Variants in PADI2 observed in about 807,000 individuals in gnomAD.
PADI2 encodes protein-arginine deiminase type-2.
In PADI2, 70 loss-of-function variants were observed where a neutral mutation model predicts 81.1. The observed-to-expected ratio is 0.86, with a 90% CI of 0.71 to 1.05. The LOEUF (loss-of-function observed/expected upper bound fraction) is 1.05. Ranked by LOEUF, PADI2 falls within the 50% of genes least tolerant of loss-of-function variation. The pLI, the probability that PADI2 is intolerant of heterozygous loss-of-function variation, is 0.00. For synonymous variants in PADI2, 338 were observed against 358.0 expected (o/e 0.94, Z 0.63); for missense variants, 853 against 889.9 (o/e 0.96, Z 0.53).
chr1:17,067,422 T>C lies in PADI2; in HGVS notation c.*1622A>G, dbSNP rs1389173891. ...GCTTCTGGAGGCTCTGGGGACTCAT[T>C]GGATGGGTACTGGCTAGGTAGATGG... On this transcript the variant is annotated 3_prime_UTR_variant, in exon 16 of 16. Coordinates refer to ENST00000375486, the MANE Select transcript of PADI2 (RefSeq NM_007365.3). The C allele has an allele frequency of 6.6e-6, 1 of 152,048 alleles. No individual in the cohort carries two copies. The highest frequency in any genetic ancestry group is 6.5e-5 in the Admixed American group (1 of 15,268). 9.4% of individuals were successfully genotyped at this position (152,048 alleles called of 1,614,324 possible). A position where few individuals can be genotyped will look rare whatever the true frequency, so the allele number is the denominator to read the frequency against.
chr1:17,100,355 G>A (rs2101601220), intron 3 of PADI2, among the ~76,000 whole-genome samples: 1 of 152,336 alleles, frequency 6.6e-6, no homozygotes, highest in Middle Eastern at 3.4e-3. Flanking sequence ...CACTGTGTCA[G>A]CTCACTGCAA....
At chr1:17,075,372 C>A (rs2101574113) in intron 12 of PADI2, 1 of 377,842 alleles carries the variant, frequency 2.6e-6, no homozygotes, top group East Asian at 5.8e-5. Flanking sequence ...TGAGCTGTGG[C>A]TAGTCTGAAT....
In PADI2 at chr1:17,074,001, C is replaced by T. The variant is rs554547103; in HGVS notation, c.1549+855G>A. Among the ~76,000 whole-genome samples, 3 of 152,328 alleles carry T rather than the reference C, an allele frequency of 2.0e-5. No homozygotes were observed. The South Asian group carries it at 6.2e-4, about 32-fold the overall frequency. On this transcript the variant is annotated intron_variant, in intron 13 of 15. Transcript: ENST00000375486. ...ACTAAAGTCCACTTTTCTTCCTGTCCCTAAATTGTATTGCATCTATTTTCT... is the reference window on the plus strand; with the variant it reads ...ACTAAAGTCCACTTTTCTTCCTGTCTCTAAATTGTATTGCATCTATTTTCT...
In PADI2 at chr1:17,104,911, C is replaced by T. The variant is rs1431686856; in HGVS notation, c.243G>A (p.Met81Ile). 2 of 1,594,300 alleles carry T rather than the reference C, an allele frequency of 1.3e-6. No homozygotes were observed. The highest frequency in any genetic ancestry group is 2.2e-5 in the East Asian group (1 of 44,450). ...TGCTGGCCTCGGTGCTCGCCTGGCT[C>T]ATGGTGACCCGCAGGGTGGTGCTGG... ...LSPSTTLRVT[M>I]SQASTEASSD... The change falls in exon 2 of 16, where the codon ATG becomes ATA. Residue 81 changes from methionine to isoleucine, a missense_variant. Met to Ile is a conservative substitution (Grantham distance 10, BLOSUM62 1). Coordinates refer to ENST00000375486, the MANE Select transcript of PADI2 (RefSeq NM_007365.3).
chr1:17,119,270 G>T lies in PADI2; in HGVS notation c.92+10C>A. On this transcript the variant is annotated intron_variant, in intron 1 of 15. Transcript: ENST00000375486. The surrounding 1 kb of genome is among the most constrained non-coding windows in gnomAD (Gnocchi z 4.8). ...GATCTCGGCCCGGGCATCACGGTGG[G>T]CCGGCTCACCTGTAGACATCGGTCC... is the stretch of plus-strand genomic sequence containing the variant. 1.3e-6 allele frequency: 2 copies of T among 1,515,996 alleles called. No individual in the cohort carries two copies. The highest frequency in any genetic ancestry group is 2.7e-5 in the East Asian group (1 of 36,608). The allele number at this position is 1,515,996 out of a possible 1,614,324, so 93.9% of individuals were successfully genotyped here. A position where few individuals can be genotyped will look rare whatever the true frequency, so the allele number is the denominator to read the frequency against.
At chr1:17,082,275 G>T (rs1459613114) in intron 10 of PADI2, among the ~76,000 whole-genome samples, 2 of 152,158 alleles carry the variant, frequency 1.3e-5, no homozygotes, top group Non-Finnish European at 2.9e-5. Context: ...AGCAGCAGGG[G>T]CCAGGGCCTC....
chr1:17,110,182 C>T (rs886102045), intron 1 of PADI2, among the ~76,000 whole-genome samples: 1 of 152,170 alleles, frequency 6.6e-6, no homozygotes, highest in African/African-American at 2.4e-5. Context: ...AACCCGAGAG[C>T]CAGGGGCTTC....
chr1:17,116,907 C>G (rs1363967194), intron 1 of PADI2, among the ~76,000 whole-genome samples: 1 of 152,174 alleles, frequency 6.6e-6, no homozygotes, highest in East Asian at 1.9e-4. Context: ...ACTCAAGCTC[C>G]TTAGTCCTGG....
rs527360276 is a variant in PADI2 at position 17,094,644 on chromosome 1, T to A, written c.412-960A>T. On this transcript the variant is annotated intron_variant, in intron 4 of 15. Transcript: ENST00000375486. ...TTTCTCTTGTTCTTTCTGTGTCCCCTGGGCCTGACCCGCTCCTGGAACATA... is the reference window on the plus strand; with the variant it reads ...TTTCTCTTGTTCTTTCTGTGTCCCCAGGGCCTGACCCGCTCCTGGAACATA... 3.3e-3 allele frequency among the ~76,000 whole-genome samples: 499 copies of A among 152,346 alleles called. 1 individual carries two copies. Among genetic ancestry groups the A allele is most frequent in the Middle Eastern group, 6.8e-3 (2 of 294 alleles).
At chr1:17,108,306 C>T (rs1356021818) in intron 1 of PADI2, among the ~76,000 whole-genome samples, 3 of 152,022 alleles carry the variant, frequency 2.0e-5, no homozygotes, top group South Asian at 2.1e-4. Context: ...TAAGGGTGCA[C>T]GTGCAGAGGA....
At chr1:17,084,742 T>G (rs2078373009) in intron 7 of PADI2, 40 bp from the exon 8 acceptor site, 5 of 1,291,898 alleles carry the variant, frequency 3.9e-6, no homozygotes, top group Non-Finnish European at 5.4e-6. Flanking sequence ...CAAAAGGTTT[T>G]GTCAGGTGCT....
chr1:17,115,868 C>G lies in PADI2; in HGVS notation c.92+3412G>C, dbSNP rs1931739926. On this transcript the variant is annotated intron_variant, in intron 1 of 15. Coordinates refer to ENST00000375486, the MANE Select transcript of PADI2 (RefSeq NM_007365.3). This position sits in a 1 kb window ranked among gnomAD's most constrained non-coding sequence, Gnocchi z 4.1. ...AGTACAATTTCTAACAAACACCCTA[C>G]TTCCTTCTTTCTATGTATCTATTCA... is the stretch of plus-strand genomic sequence containing the variant. Among the ~76,000 whole-genome samples the G allele has an allele frequency of 6.6e-6, 1 of 152,240 alleles. No individual in the cohort carries two copies. The highest frequency in any genetic ancestry group is 2.4e-5 in the African/African-American group (1 of 41,466).
intron 13 of PADI2, among the ~76,000 whole-genome samples, chr1:17,074,306 C>T (rs1214188709): frequency 2.0e-5 from 3 of 150,484 alleles, no homozygotes; most frequent in African/African-American, 4.9e-5. Flanking sequence ...GCAGGAGAAT[C>T]GCTTGAACCT....
intron 6 of PADI2, among the ~76,000 whole-genome samples, chr1:17,090,581 TTGTGTGTGTGTGTGTG>T (rs3036949): frequency 4.2e-5 from 6 of 142,854 alleles, no homozygotes; most frequent in East Asian, 2.1e-4. Context: ...CGTCCTTTGC[TTGTGTGTGTGTGTGTG>T]TGTGTGTGTG....
Position 17,083,828 on chromosome 1 carries a change from A to T in PADI2, c.948T>A (p.Asp316Glu). The T allele has an allele frequency of 6.2e-7, 1 of 1,605,480 alleles. No individual in the cohort carries two copies. Among genetic ancestry groups the T allele is most frequent in the African/African-American group, 1.3e-5 (1 of 74,872 alleles). The change falls in exon 9 of 16, where the codon GAT becomes GAA. Residue 316 changes from aspartate to glutamate, a missense_variant. Transcript: ENST00000375486. The stretch of plus-strand genomic sequence containing the variant: ...TCACCTCTTTCAGGAACAGGTAATT[A>T]TCCTTCATGCTGAGAAGTTGGGGGA... ...PVSVFVCCMKDNYLFLKEVKN... is the reference protein window; with the variant it reads ...PVSVFVCCMKENYLFLKEVKN...
In PADI2 at chr1:17,110,114, C is replaced by A. The variant is rs75243445; in HGVS notation, c.93-5053G>T. On this transcript the variant is annotated intron_variant, in intron 1 of 15. Coordinates refer to ENST00000375486, the MANE Select transcript of PADI2 (RefSeq NM_007365.3). ...AATAAAGGGGCCCATTGTGCCCCTG[C>A]AGATCCTGTTGGCTGCCTTCCTCCT... is the stretch of plus-strand genomic sequence containing the variant. Among the ~76,000 whole-genome samples the A allele has an allele frequency of 9.5e-3, 1,446 of 152,330 alleles. 11 individuals are homozygous for A. Among genetic ancestry groups the A allele is most frequent in the Middle Eastern group, 0.037 (11 of 294 alleles).
intron 6 of PADI2, among the ~76,000 whole-genome samples, chr1:17,089,220 T>G (rs1557764728): frequency 6.6e-6 from 1 of 152,304 alleles, no homozygotes; most frequent in East Asian, 1.9e-4. Context: ...AAAATTCAGA[T>G]ACTGAAAGTC....
rs755329837 is a variant in PADI2, at chr1:17,079,425, G to C, written c.1159-10C>G. ...AGCCAAAATCTGGGCCCTAGGCAGA[G>C]GGCACACACCTGCGTTAGTCTTCTG... is the stretch of plus-strand genomic sequence containing the variant. On this transcript the variant is annotated splice_polypyrimidine_tract_variant and intron_variant, in intron 10 of 15. Transcript: ENST00000375486. 1.2e-6 allele frequency: 2 copies of C among 1,611,274 alleles called. No homozygotes were observed.
chr1:17,119,257 G>C lies in PADI2; in HGVS notation c.92+23C>G. On this transcript the variant is annotated intron_variant, in intron 1 of 15. Transcript: ENST00000375486. This position sits in a 1 kb window ranked among gnomAD's most constrained non-coding sequence, Gnocchi z 4.8. The stretch of plus-strand genomic sequence containing the variant: ...TTTCTGGGCTCGAGATCTCGGCCCG[G>C]GCATCACGGTGGGCCGGCTCACCTG... 6.8e-7 allele frequency: 1 copy of C among 1,469,344 alleles called. No individual in the cohort carries two copies. The highest frequency in any genetic ancestry group is 9.2e-7 in the Non-Finnish European group (1 of 1,090,708). 91.0% of individuals were successfully genotyped at this position (1,469,344 alleles called of 1,614,324 possible).
Sources: gnomAD v4.1 joint callset for allele counts (sites outside exome capture counted in the v4.1 genomes callset) on GRCh38, gnomAD v4.1.1 for gene constraint, Gnocchi (gnomAD v3.1) non-coding constraint, MANE v1.5 for transcripts, NCBI Gene and HGNC (gene_info 2026-07-23, HGNC 2026-07-21) for gene names.